The following DHX9 variants were observed in gnomAD, a reference collection of about 807,000 sequenced individuals.
DHX9 encodes the protein ATP-dependent RNA helicase A.
DHX9 carries 27 observed loss-of-function variants against 148.7 expected under a neutral mutation model. The observed-to-expected ratio is 0.18, with a 90% CI of 0.13 to 0.25. DHX9 has a LOEUF of 0.25. Ranked by LOEUF, DHX9 falls within the 10% of genes least tolerant of loss-of-function variation. The probability of loss-of-function intolerance (pLI) is 1.00; values close to 1 mark genes in which losing one functional copy is unlikely to be tolerated. For synonymous variants in DHX9, 529 were observed against 516.6 expected, an observed-to-expected ratio of 1.02 and a Z score of -0.33; for missense variants, 796 against 1,559.6, an observed-to-expected ratio of 0.51 and a Z score of 8.25.
chr1:182,851,434 T>C (rs192794423), intron 3 of DHX9, among the ~76,000 whole-genome samples: 3 of 152,328 alleles, frequency 2.0e-5, no homozygotes, highest in African/African-American at 4.8e-5. Context: ...ATAATAGTTA[T>C]ACTATTGCAC....
At chr1:182,842,944 T>C (rs555429335) in intron 2 of DHX9, among the ~76,000 whole-genome samples, 5 of 152,344 alleles carry the variant, frequency 3.3e-5, no homozygotes, top group South Asian at 2.1e-4. Context: ...ATCAACTGTT[T>C]GCAGTTTTAT....
intron 6 of DHX9, 106 bp from the exon 7 acceptor site, chr1:182,856,426 T>C (rs1668251889): frequency 4.7e-6 from 4 of 852,950 alleles, no homozygotes; most frequent in Non-Finnish European, 7.7e-6. Context: ...ATTTTTTTTT[T>C]CTGTGATTTG....
intron 10 of DHX9, 60 bp downstream of exon 10, chr1:182,858,954 G>A: frequency 3.1e-6 from 5 of 1,610,072 alleles, no homozygotes; most frequent in Non-Finnish European, 4.2e-6. Flanking sequence ...GACTATATTT[G>A]ATTAGTATGT....
chr1:182,847,857 T>TTG (rs961634093), intron 3 of DHX9, among the ~76,000 whole-genome samples: 3 of 152,128 alleles, frequency 2.0e-5, no homozygotes, highest in African/African-American at 4.8e-5. Context: ...TTCTGGTGTG[T>TTG]TGTGTGTGTG....
chr1:182,852,797 G>T (rs1668178225), intron 4 of DHX9, among the ~76,000 whole-genome samples: 1 of 152,162 alleles, frequency 6.6e-6, no homozygotes, highest in Non-Finnish European at 1.5e-5. Context: ...GAACCTAGCA[G>T]CGACATTAAT....
chr1:182,882,320 T>C (rs1044044146), intron 24 of DHX9, among the ~76,000 whole-genome samples: 1 of 152,340 alleles, frequency 6.6e-6, no homozygotes, highest in South Asian at 2.1e-4. Flanking sequence ...GCTATAAGAC[T>C]AGAACTCGTT....
intron 27 of DHX9, 42 bp from the exon 28 acceptor site, chr1:182,887,041 T>G: frequency 6.4e-7 from 1 of 1,571,428 alleles, no homozygotes; most frequent in Non-Finnish European, 8.7e-7. Flanking sequence ...TGGGAAATAA[T>G]AAGAATGCTT....
chr1:182,885,243 TAAAG>T (rs1402864809), intron 27 of DHX9, among the ~76,000 whole-genome samples: 3 of 152,234 alleles, frequency 2.0e-5, no homozygotes, highest in Non-Finnish European at 2.9e-5. Context: ...ATGGATATCT[TAAAG>T]AAATGAGAAA....
chr1:182,865,264 C>T (rs1416798596), intron 12 of DHX9, among the ~76,000 whole-genome samples: 2 of 152,192 alleles, frequency 1.3e-5, no homozygotes, highest in East Asian at 3.8e-4. Flanking sequence ...ATACAGAGCT[C>T]ATACTTTCAT....
intron 24 of DHX9, among the ~76,000 whole-genome samples, chr1:182,882,158 G>A (rs1571322536): frequency 6.6e-6 from 1 of 152,256 alleles, no homozygotes; most frequent in East Asian, 1.9e-4. Flanking sequence ...GTAGTGAGTG[G>A]TTCTCTTCTG....
At position 182,874,936 on chromosome 1, in the gene DHX9, T is replaced by C. The variant is rs777405110; in HGVS notation, c.1797T>C (p.Asp599=). Residue 599 remains aspartate (D), a synonymous_variant, in exon 16 of 28, where the codon GAT becomes GAC. Transcript: ENST00000367549. ...KDKKKKDKDD[D]GGEDDDANCN... ...AAAAGAAGAAGGATAAGGATGATGATGGTGGTGAGGATGATGATGTAAGTG... is the reference window on the plus strand; with the variant it reads ...AAAAGAAGAAGGATAAGGATGATGACGGTGGTGAGGATGATGATGTAAGTG... 4 of 1,612,658 alleles carry C rather than the reference T, an allele frequency of 2.5e-6. No individual in the cohort carries two copies. The highest frequency in any genetic ancestry group is 3.4e-6 in the Non-Finnish European group (4 of 1,178,916).
At chr1:182,849,468 A>C (rs977890826) in intron 3 of DHX9, among the ~76,000 whole-genome samples, 1 of 152,226 alleles carries the variant, frequency 6.6e-6, no homozygotes, top group Non-Finnish European at 1.5e-5. Flanking sequence ...CAATATAATG[A>C]GATATCCAAT....
At chr1:182,849,757 C>T (rs904870496) in intron 3 of DHX9, among the ~76,000 whole-genome samples, 1 of 152,000 alleles carries the variant, frequency 6.6e-6, no homozygotes, top group Non-Finnish European at 1.5e-5. Flanking sequence ...CTTTAAGGAT[C>T]ATTTACATAT....
chr1:182,857,879 T>TC (rs1244485858), intron 7 of DHX9, among the ~76,000 whole-genome samples: 1 of 152,216 alleles, frequency 6.6e-6, no homozygotes, highest in African/African-American at 2.4e-5. Flanking sequence ...TTTGTATGAG[T>TC]CCTAGTATCA....
At chr1:182,840,627 G>C (rs1395090162) in intron 1 of DHX9, among the ~76,000 whole-genome samples, 1 of 152,120 alleles carries the variant, frequency 6.6e-6, no homozygotes, top group East Asian at 1.9e-4. Flanking sequence ...TAGGAGCTCT[G>C]TCTTCCTGAA....
At chr1:182,846,471 T>G (rs1186422922) in intron 3 of DHX9, among the ~76,000 whole-genome samples, 1 of 152,178 alleles carries the variant, frequency 6.6e-6, no homozygotes, top group African/African-American at 2.4e-5. Flanking sequence ...CAACCTCAGG[T>G]TATCTGCCCG....
intron 15 of DHX9, 142 bp downstream of exon 15, chr1:182,872,635 A>G: frequency 1.0e-6 from 1 of 965,406 alleles, no homozygotes; most frequent in South Asian, 1.8e-5. Context: ...AGCATTTTTG[A>G]GGAGTTTCTC....
intron 3 of DHX9, among the ~76,000 whole-genome samples, chr1:182,850,327 G>T (rs1219219204): frequency 2.0e-5 from 3 of 152,066 alleles, no homozygotes; most frequent in Non-Finnish European, 4.4e-5. Flanking sequence ...TGGCGTGGTG[G>T]CTCACACCTG....
At chr1:182,853,917 A>G (rs1668207866) in intron 5 of DHX9, 113 bp from the exon 6 acceptor site, 1 of 976,862 alleles carries the variant, frequency 1.0e-6, no homozygotes, top group Non-Finnish European at 1.5e-6. Context: ...TAAACTATCA[A>G]AAACAGCTTT....
Sources: gnomAD v4.1 joint callset for allele counts (sites outside exome capture counted in the v4.1 genomes callset) on GRCh38, gnomAD v4.1.1 for gene constraint, MANE v1.5 for transcripts, NCBI Gene and HGNC (gene_info 2026-07-23, HGNC 2026-07-21) for gene names.